The following GTF2A1L variants were observed in gnomAD, a reference collection of about 807,000 sequenced individuals.
GTF2A1L encodes TFIIA-alpha and beta-like factor.
Under a neutral mutation model 49.7 loss-of-function variants are expected in GTF2A1L, and 48 were observed. The ratio of observed to expected loss-of-function variants is 0.97; its 90% CI spans 0.77 to 1.23. The LOEUF is 1.23. Among genes scored for constraint, GTF2A1L ranks in the 50% most tolerant of loss-of-function variants. The pLI is 0.00. For synonymous variants in GTF2A1L, 246 were observed against 193.5 expected (o/e 1.27, Z -2.25); for missense variants, 736 against 564.8 (o/e 1.30, Z -3.07).
chr2:48,628,475 G>C (rs967306192), intron 3 of GTF2A1L, among the ~76,000 whole-genome samples: 1 of 144,044 alleles, frequency 6.9e-6, no homozygotes, highest in Non-Finnish European at 1.6e-5. Flanking sequence ...CTGGTGATTA[G>C]TGATGTGGAG....
At position 48,646,998 on chromosome 2, in the gene GTF2A1L, C is replaced by T; in HGVS notation, c.934C>T (p.Pro312Ser). ...GTATGGATGTGATTCTGTAAAGCAA[C>T]CAAGAAATATAGAGGAACCCAGCAA... ...RMYGCDSVKQPRNIEEPSNIP... is the reference protein window; with the variant it reads ...RMYGCDSVKQSRNIEEPSNIP... The change falls in exon 6 of 9, where the codon CCA (proline) becomes TCA (serine). Residue 312 changes from proline (P) to serine (S), a missense_variant. Coordinates refer to ENST00000403751, the MANE Select transcript of GTF2A1L (RefSeq NM_006872.5). The T allele has an allele frequency of 3.7e-6, 6 of 1,613,630 alleles. No individual in the cohort carries two copies. Among genetic ancestry groups the T allele is most frequent in the Non-Finnish European group, 5.1e-6 (6 of 1,179,824 alleles).
chr2:48,674,775 G>A (rs1261638640), intron 8 of GTF2A1L, among the ~76,000 whole-genome samples: 3 of 151,752 alleles, frequency 2.0e-5, no homozygotes, highest in Non-Finnish European at 4.4e-5. Context: ...GTATTTTTGC[G>A]GTGTTTTATC....
chr2:48,652,471 C>T (rs1033404345), intron 6 of GTF2A1L, among the ~76,000 whole-genome samples: 4 of 151,492 alleles, frequency 2.6e-5, no homozygotes, highest in Middle Eastern at 3.4e-3. Context: ...CAAAAATTAG[C>T]GGAGTGTGGT....
intron 3 of GTF2A1L, among the ~76,000 whole-genome samples, chr2:48,621,546 C>T (rs552860811): frequency 6.6e-6 from 1 of 152,266 alleles, no homozygotes; most frequent in Admixed American, 6.5e-5. Context: ...AGGAAAGTCA[C>T]ATAGTTTGTC....
At chr2:48,620,551 G>A (rs1457705183) in intron 1 of GTF2A1L, among the ~76,000 whole-genome samples, 3 of 152,132 alleles carry the variant, frequency 2.0e-5, no homozygotes, top group African/African-American at 7.2e-5. Flanking sequence ...AGGCTGAGGC[G>A]GGTGGATCAC....
At chr2:48,662,964 A>C (rs573637720) in intron 6 of GTF2A1L, among the ~76,000 whole-genome samples, 42 of 152,182 alleles carry the variant, frequency 2.8e-4, no homozygotes, top group South Asian at 8.3e-4. Context: ...GCTGAGTACT[A>C]TGCTTATTAC....
At position 48,645,390 on chromosome 2, in the gene GTF2A1L, C is replaced by T. The variant is rs568421013; in HGVS notation, c.388+273C>T. On this transcript the variant is annotated intron_variant, in intron 5 of 8. Coordinates refer to ENST00000403751, the MANE Select transcript of GTF2A1L (RefSeq NM_006872.5). ...TGTATATATTTTTTCTAATTCAAGT[C>T]AGTTATCTAAATTTTAACAAATACA... Among the ~76,000 whole-genome samples the T allele has an allele frequency of 2.6e-5, 4 of 152,242 alleles. No individual in the cohort carries two copies. In the East Asian group the frequency reaches 7.7e-4, roughly 29 times the overall value.
intron 6 of GTF2A1L, among the ~76,000 whole-genome samples, chr2:48,666,765 C>A (rs1678869062): frequency 6.6e-6 from 1 of 151,908 alleles, no homozygotes; most frequent in African/African-American, 2.4e-5. Flanking sequence ...TGCTAAAATT[C>A]TTGTTTTTCT....
chr2:48,643,143 G>A (rs1324878730), intron 4 of GTF2A1L, among the ~76,000 whole-genome samples: 2 of 151,980 alleles, frequency 1.3e-5, no homozygotes, highest in African/African-American at 2.4e-5. Context: ...CTAGAATGGA[G>A]CAACATCATA....
At chr2:48,627,928 C>A (rs1344526158) in intron 3 of GTF2A1L, among the ~76,000 whole-genome samples, 1 of 143,460 alleles carries the variant, frequency 7.0e-6, no homozygotes, top group Non-Finnish European at 1.6e-5. Context: ...TCTTTATGTC[C>A]ATGGGTACTC....
intron 8 of GTF2A1L, among the ~76,000 whole-genome samples, chr2:48,673,502 A>G (rs1009205455): frequency 1.3e-5 from 2 of 151,582 alleles, no homozygotes; most frequent in Non-Finnish European, 2.9e-5. Context: ...AGCTGGGACT[A>G]CAGGCGCCTG....
At chr2:48,651,705 A>T (rs1677857019) in intron 6 of GTF2A1L, among the ~76,000 whole-genome samples, 3 of 152,196 alleles carry the variant, frequency 2.0e-5, no homozygotes, top group African/African-American at 7.2e-5. Context: ...TGTGTTTCCC[A>T]AGACATTTAT....
At chr2:48,648,201 A>T (rs147137222) in intron 6 of GTF2A1L, among the ~76,000 whole-genome samples, 5 of 151,952 alleles carry the variant, frequency 3.3e-5, no homozygotes, top group Non-Finnish European at 5.9e-5. Context: ...ATAAGTGTTC[A>T]TATTAAAATG....
At chr2:48,621,731 G>C (rs1341252014) in intron 3 of GTF2A1L, among the ~76,000 whole-genome samples, 1 of 152,112 alleles carries the variant, frequency 6.6e-6, no homozygotes, top group Non-Finnish European at 1.5e-5. Context: ...TCAGAATATG[G>C]AGATTATTCA....
At chr2:48,654,623 A>AT (rs1678066125) in intron 6 of GTF2A1L, among the ~76,000 whole-genome samples, 1 of 152,102 alleles carries the variant, frequency 6.6e-6, no homozygotes, top group South Asian at 2.1e-4. Context: ...ACCTCAGGTG[A>AT]TCCCCCTGCC....
chr2:48,637,589 C>G (rs187389429), intron 3 of GTF2A1L, among the ~76,000 whole-genome samples: 1 of 152,040 alleles, frequency 6.6e-6, no homozygotes, highest in Admixed American at 6.6e-5. Flanking sequence ...ACACTTCAGC[C>G]CCAAAGCTAG....
chr2:48,657,364 T>C (rs1572751830), intron 6 of GTF2A1L, among the ~76,000 whole-genome samples: 2 of 152,190 alleles, frequency 1.3e-5, no homozygotes, highest in Non-Finnish European at 2.9e-5. Flanking sequence ...TTTATGGTTT[T>C]CTGTTCCTGT....
intron 3 of GTF2A1L, among the ~76,000 whole-genome samples, chr2:48,639,587 G>A (rs1677092051): frequency 6.6e-6 from 1 of 151,890 alleles, no homozygotes; most frequent in Admixed American, 6.6e-5. Flanking sequence ...ACCCCAAACT[G>A]TAAAAAACCC....
chr2:48,651,586 A>C (rs73931112), intron 6 of GTF2A1L, among the ~76,000 whole-genome samples: 7,156 of 152,208 alleles, frequency 0.047, 550 homozygotes, highest in African/African-American at 0.16. Context: ...GTTGCTGTCT[A>C]TTTCAGCACA....
Sources: gnomAD v4.1 joint callset for allele counts (sites outside exome capture counted in the v4.1 genomes callset) on GRCh38, gnomAD v4.1.1 for gene constraint, MANE v1.5 for transcripts, NCBI Gene and HGNC (gene_info 2026-07-23, HGNC 2026-07-21) for gene names.